KIF6: variants seen among roughly 807,000 people sequenced by gnomAD.
KIF6 encodes kinesin-like protein KIF6.
A neutral mutation model predicts 112.7 loss-of-function variants in KIF6; 106 were observed. The ratio of observed to expected loss-of-function variants is 0.94; its 90% CI spans 0.80 to 1.11. KIF6 has a LOEUF of 1.11. Ranked by LOEUF, KIF6 falls within the 50% of genes least tolerant of loss-of-function variation. KIF6 has a pLI of 0.00. For synonymous variants in KIF6, 339 were observed against 339.9 expected (o/e 1.00, Z 0.03); for missense variants, 929 against 964.0 (o/e 0.96, Z 0.48).
At chr6:39,391,160 T>C (rs556208980) in intron 15 of KIF6, among the ~76,000 whole-genome samples, 1 of 152,264 alleles carries the variant, frequency 6.6e-6, no homozygotes, top group African/African-American at 2.4e-5. Context: ...ATTGTGGGAT[T>C]TGATTATGAG....
intron 16 of KIF6, among the ~76,000 whole-genome samples, chr6:39,382,959 T>C (rs181496993): frequency 6.6e-6 from 1 of 151,522 alleles, no homozygotes; most frequent in South Asian, 2.1e-4. Flanking sequence ...TGGCCACTTG[T>C]ATGTCTTCTT....
At chr6:39,438,335 A>G (rs966287018) in intron 13 of KIF6, among the ~76,000 whole-genome samples, 9 of 152,140 alleles carry the variant, frequency 5.9e-5, no homozygotes, top group Non-Finnish European at 1.2e-4. Context: ...TTAACTGTAA[A>G]AAAGCCTTGG....
rs1222425784 is a variant in KIF6, at chr6:39,586,497, G to A, written c.847-93C>T. On this transcript the variant is annotated intron_variant, in intron 7 of 22. Transcript: ENST00000287152. ...CTTCAATAGCAATAAAAATGCAAAAGGAAATAATAACTAAATGCACGGTGA... is the reference window on the plus strand; with the variant it reads ...CTTCAATAGCAATAAAAATGCAAAAAGAAATAATAACTAAATGCACGGTGA... 12 of 1,021,858 alleles carry A rather than the reference G, an allele frequency of 1.2e-5. No homozygotes were observed. In the Admixed American group the frequency reaches 2.1e-4, roughly 18 times the overall value. The allele number at this position is 1,021,858 out of a possible 1,614,324, so 63.3% of individuals were successfully genotyped here.
intron 9 of KIF6, among the ~76,000 whole-genome samples, chr6:39,582,356 T>C (rs1781341863): frequency 6.6e-6 from 1 of 152,152 alleles, no homozygotes; most frequent in African/African-American, 2.4e-5. Context: ...TCATAGTTCT[T>C]TTACCACCTT....
intron 13 of KIF6, among the ~76,000 whole-genome samples, chr6:39,438,551 A>G (rs1771707876): frequency 1.3e-5 from 2 of 152,238 alleles, no homozygotes; most frequent in Admixed American, 1.3e-4. Flanking sequence ...TAAAATAGGG[A>G]AAAGCTGATA....
chr6:39,358,129 C>G (rs1363734613), intron 18 of KIF6, among the ~76,000 whole-genome samples: 2 of 152,226 alleles, frequency 1.3e-5, no homozygotes, highest in Non-Finnish European at 2.9e-5. Flanking sequence ...GCCTCAAGAG[C>G]AAGGCATAGA....
intron 12 of KIF6, among the ~76,000 whole-genome samples, chr6:39,542,888 A>C (rs906840655): frequency 6.6e-6 from 1 of 152,192 alleles, no homozygotes; most frequent in African/African-American, 2.4e-5. Flanking sequence ...ATTGAAGTGC[A>C]GTATTCTTTC....
chr6:39,551,723 A>G (rs1213888700), intron 10 of KIF6, among the ~76,000 whole-genome samples: 1 of 152,232 alleles, frequency 6.6e-6, no homozygotes, highest in Non-Finnish European at 1.5e-5. Context: ...GGAAGAATTG[A>G]GAGAATAGTT....
rs551385947 is a variant in KIF6 at position 39,578,482 on chromosome 6, C to T, written c.1078-323G>A. 5.9e-5 allele frequency among the ~76,000 whole-genome samples: 9 copies of T among 152,044 alleles called. No individual in the cohort carries two copies. In the South Asian group the frequency reaches 1.9e-3, roughly 32 times the overall value. On this transcript the variant is annotated intron_variant, in intron 9 of 22. Coordinates refer to ENST00000287152, the MANE Select transcript of KIF6 (RefSeq NM_145027.6). Reference sequence around the variant, plus strand: ...TAGCTGGGACTACAGGCGCATGCTACCATGCCCGGCTAATCTTTTGTATTT... The same window carrying T: ...TAGCTGGGACTACAGGCGCATGCTATCATGCCCGGCTAATCTTTTGTATTT...
chr6:39,350,867 C>T (rs1327342827), intron 19 of KIF6, among the ~76,000 whole-genome samples: 1 of 152,238 alleles, frequency 6.6e-6, no homozygotes, highest in African/African-American at 2.4e-5. Flanking sequence ...ACTCCAACAA[C>T]TGTTGGAGGA....
chr6:39,503,849 G>GA (rs772144009), intron 13 of KIF6, among the ~76,000 whole-genome samples: 4,583 of 81,852 alleles, frequency 0.056, 110 homozygotes, highest in African/African-American at 0.12. Context: ...CAACCAACCA[G>GA]AAAAAAAAAA....
At chr6:39,610,951 A>G (rs1783181324) in intron 6 of KIF6, among the ~76,000 whole-genome samples, 2 of 152,230 alleles carry the variant, frequency 1.3e-5, no homozygotes, top group South Asian at 4.1e-4. Flanking sequence ...TATTAGGATT[A>G]GCCTTCTTCA....
chr6:39,533,587 A>C (rs1409864726), intron 13 of KIF6, among the ~76,000 whole-genome samples: 1 of 152,266 alleles, frequency 6.6e-6, no homozygotes, highest in Non-Finnish European at 1.5e-5. Context: ...GGGGCAGGGC[A>C]CAGACAAACA....
intron 3 of KIF6, among the ~76,000 whole-genome samples, chr6:39,647,084 A>C (rs1470593295): frequency 1.3e-5 from 2 of 152,226 alleles, no homozygotes; most frequent in Admixed American, 1.3e-4. Context: ...TTTCAACCAA[A>C]AACAATAGCA....
At chr6:39,659,621 C>T (rs1481888171) in intron 3 of KIF6, among the ~76,000 whole-genome samples, 1 of 152,160 alleles carries the variant, frequency 6.6e-6, no homozygotes, top group African/African-American at 2.4e-5. Context: ...AATGAGTTCT[C>T]ATAAGATCTG....
intron 15 of KIF6, among the ~76,000 whole-genome samples, chr6:39,407,259 T>C (rs1769158612): frequency 6.6e-6 from 1 of 152,190 alleles, no homozygotes; most frequent in African/African-American, 2.4e-5. Flanking sequence ...AAAAAATACA[T>C]TGCTTCATAA....
At chr6:39,425,295 T>C (rs974473714) in intron 14 of KIF6, among the ~76,000 whole-genome samples, 2 of 152,226 alleles carry the variant, frequency 1.3e-5, no homozygotes, top group African/African-American at 2.4e-5. Context: ...TGCTTTTTCA[T>C]AGAGTGAACA....
intron 14 of KIF6, among the ~76,000 whole-genome samples, chr6:39,430,566 A>T (rs1426538238): frequency 6.6e-6 from 1 of 152,230 alleles, no homozygotes; most frequent in Non-Finnish European, 1.5e-5. Flanking sequence ...ACAACATGTC[A>T]GCAGATAATC....
intron 10 of KIF6, among the ~76,000 whole-genome samples, chr6:39,572,896 A>C (rs1780723426): frequency 6.6e-6 from 1 of 151,148 alleles, no homozygotes; most frequent in African/African-American, 2.4e-5. Flanking sequence ...AAAGCATCCA[A>C]GTCCATGCAA....
Sources: gnomAD v4.1 joint callset for allele counts (sites outside exome capture counted in the v4.1 genomes callset) on GRCh38, gnomAD v4.1.1 for gene constraint, MANE v1.5 for transcripts, NCBI Gene and HGNC (gene_info 2026-07-23, HGNC 2026-07-21) for gene names.